DGKH: variants seen among roughly 807,000 people sequenced by gnomAD.
DGKH encodes the protein diacylglycerol kinase eta, also known as DAG kinase eta.
DGKH carries 90 observed loss-of-function variants against 159.3 expected under a neutral mutation model. The ratio of observed to expected loss-of-function variants is 0.57; its 90% CI spans 0.48 to 0.67. The LOEUF is 0.67. DGKH is among the 30% of genes least tolerant of loss of function. DGKH has a pLI of 0.00. For missense variants in DGKH, 1,181 were observed against 1,506.1 expected, an observed-to-expected ratio of 0.78 and a Z score of 3.57; for synonymous variants, 536 against 553.8, an observed-to-expected ratio of 0.97 and a Z score of 0.45.
At chr13:42,045,252 C>T (rs557588339), upstream of DGKH, among the ~76,000 whole-genome samples, 1 of 152,148 alleles carries the variant, frequency 6.6e-6, no homozygotes, top group Non-Finnish European at 1.5e-5. Flanking sequence ...AGTTTAAGGA[C>T]GCAGTGAGCT....
rs1200560632 is a variant in DGKH at position 42,048,706 on chromosome 13, A to T, written c.-68A>T. The T allele has an allele frequency of 8.3e-7, 1 of 1,211,752 alleles. No individual in the cohort carries two copies. Among genetic ancestry groups the T allele is most frequent in the East Asian group, 3.4e-5 (1 of 28,990 alleles). 75.1% of individuals were successfully genotyped at this position (1,211,752 alleles called of 1,614,324 possible). A position where few individuals can be genotyped will look rare whatever the true frequency, so the allele number is the denominator to read the frequency against. On this transcript the variant is annotated 5_prime_UTR_variant, in exon 1 of 30. Coordinates refer to ENST00000337343, the MANE Select transcript of DGKH (RefSeq NM_178009.5). The surrounding 1 kb of genome is among the most constrained non-coding windows in gnomAD (Gnocchi z 6.7). ...GGGGTTCCGGGCTCCGCTCGGGCAG[A>T]GCCCACCCGCTGACCAACGCCGCCG... is the stretch of plus-strand genomic sequence containing the variant.
chr13:42,241,742 G>A lies in DGKH; in HGVS notation c.*12554G>A, dbSNP rs551929306. On this transcript the variant is annotated 3_prime_UTR_variant, in exon 30 of 30. Transcript: ENST00000337343. ...TGATTATTTTGAATGAGGAGTAGGC[G>A]GTAATATTTAACAGGTAGCATACGT... 2.0e-5 allele frequency: 3 copies of A among 152,198 alleles called. No individual in the cohort carries two copies. Among genetic ancestry groups the A allele is most frequent in the South Asian group, 2.1e-4 (1 of 4,820 alleles). The allele number at this position is 152,198 out of a possible 1,614,324, so 9.4% of individuals were successfully genotyped here.
intron 1 of DGKH, among the ~76,000 whole-genome samples, chr13:42,051,215 T>A (rs1381679939): frequency 6.6e-6 from 1 of 152,260 alleles, no homozygotes; most frequent in Non-Finnish European, 1.5e-5. Flanking sequence ...AAATATTGCT[T>A]GAATTTCAAA....
chr13:42,213,386 C>T (rs1957710365), intron 24 of DGKH, among the ~76,000 whole-genome samples: 2 of 152,088 alleles, frequency 1.3e-5, no homozygotes, highest in South Asian at 2.1e-4. Flanking sequence ...ATGATGGGTT[C>T]CATGTTGGGC....
chr13:42,099,076 T>C (rs547577285), intron 1 of DGKH, among the ~76,000 whole-genome samples: 1 of 152,220 alleles, frequency 6.6e-6, no homozygotes, highest in Non-Finnish European at 1.5e-5. Context: ...TGTAGCCTTT[T>C]GTCAAAAATG....
intron 1 of DGKH, among the ~76,000 whole-genome samples, chr13:42,096,400 T>C (rs968931931): frequency 7.2e-5 from 11 of 152,226 alleles, no homozygotes. Context: ...TGCATCCATG[T>C]TGCTGCAAAG....
chr13:42,106,094 G>C (rs1002736133), intron 1 of DGKH, among the ~76,000 whole-genome samples: 12 of 151,518 alleles, frequency 7.9e-5, no homozygotes, highest in Admixed American at 2.6e-4. Context: ...TGCAACCTTC[G>C]CCTCCTTGGT....
intron 28 of DGKH, among the ~76,000 whole-genome samples, chr13:42,220,869 G>A (rs193294144): frequency 6.6e-6 from 1 of 152,278 alleles, no homozygotes; most frequent in African/African-American, 2.4e-5. Flanking sequence ...ATTGTAATTA[G>A]CATTTGTAGC....
chr13:42,090,346 C>G (rs1450216882), intron 1 of DGKH, among the ~76,000 whole-genome samples: 1 of 152,154 alleles, frequency 6.6e-6, no homozygotes, highest in Non-Finnish European at 1.5e-5. Flanking sequence ...CCTACAGATT[C>G]AGTGTAATCC....
intron 20 of DGKH, among the ~76,000 whole-genome samples, chr13:42,202,246 A>G (rs1296716947): frequency 2.6e-5 from 4 of 152,218 alleles, no homozygotes. Flanking sequence ...AAAGTAAACC[A>G]AAAAGATACA....
intron 16 of DGKH, 127 bp downstream of exon 16, chr13:42,190,652 T>A (rs1057038380): frequency 1.2e-5 from 11 of 895,380 alleles, no homozygotes; most frequent in Admixed American, 3.3e-5. Flanking sequence ...TTTTTGGAAG[T>A]TAAAGCTTAG....
intron 14 of DGKH, among the ~76,000 whole-genome samples, chr13:42,188,736 T>C (rs1343138890): frequency 6.6e-6 from 1 of 152,178 alleles, no homozygotes; most frequent in African/African-American, 2.4e-5. Context: ...TGAAATTATA[T>C]AATAATTGTG....
chr13:42,057,145 A>G (rs1881823354), intron 1 of DGKH, among the ~76,000 whole-genome samples: 1 of 149,698 alleles, frequency 6.7e-6, no homozygotes, highest in Admixed American at 6.6e-5. Flanking sequence ...AACTCTTCAA[A>G]TAGGTTTTCA....
chr13:42,156,166 T>C (rs184017944), intron 5 of DGKH, among the ~76,000 whole-genome samples: 1 of 152,216 alleles, frequency 6.6e-6, no homozygotes, highest in Non-Finnish European at 1.5e-5. Context: ...TTTTCTTTCA[T>C]TTCATTTGTT....
At chr13:42,113,700 T>C (rs1419329764) in intron 1 of DGKH, among the ~76,000 whole-genome samples, 1 of 152,108 alleles carries the variant, frequency 6.6e-6, no homozygotes, top group African/African-American at 2.4e-5. Flanking sequence ...CAGAGCAAGA[T>C]CAAATGACTT....
chr13:42,058,125 G>A (rs1352549698), intron 1 of DGKH, among the ~76,000 whole-genome samples: 2 of 152,096 alleles, frequency 1.3e-5, no homozygotes, highest in African/African-American at 4.8e-5. Flanking sequence ...TAAAACCACT[G>A]ATTTGTGAAA....
At chr13:42,187,021 T>G in intron 13 of DGKH, 28 bp from the exon 14 acceptor site, 1 of 1,586,708 alleles carries the variant, frequency 6.3e-7, no homozygotes, top group Non-Finnish European at 8.6e-7. Context: ...TGAAGCTTAC[T>G]AAATTGTACA....
At chr13:42,119,207 C>CA (rs139566806) in intron 1 of DGKH, among the ~76,000 whole-genome samples, 22 of 152,276 alleles carry the variant, frequency 1.4e-4, no homozygotes, top group African/African-American at 5.3e-4. Flanking sequence ...TATTTCTCCT[C>CA]AAAGCATCTT....
chr13:42,078,295 G>T (rs942140217), intron 1 of DGKH, among the ~76,000 whole-genome samples: 1 of 152,232 alleles, frequency 6.6e-6, no homozygotes, highest in Non-Finnish European at 1.5e-5. Context: ...TGGACTGTAA[G>T]TGTTAAGTTG....
Sources: allele counts gnomAD v4.1 joint callset (sites outside exome capture counted in the v4.1 genomes callset), GRCh38; gene constraint gnomAD v4.1.1; non-coding constraint Gnocchi (gnomAD v3.1); transcripts MANE v1.5; gene names NCBI Gene and HGNC (gene_info 2026-07-23, HGNC 2026-07-21).